Variants in DLG2 observed in about 807,000 individuals in gnomAD.
DLG2 encodes discs large MAGUK scaffold protein 2, also known as disks large homolog 2.
In DLG2, 45 loss-of-function variants were observed where a neutral mutation model predicts 132.5. The ratio of observed to expected loss-of-function variants is 0.34; its 90% CI spans 0.27 to 0.44. DLG2 has a LOEUF of 0.44. Among genes scored for constraint, DLG2 ranks in the 20% least tolerant of loss-of-function variants. The pLI is 1.00. For synonymous variants in DLG2, 424 were observed against 419.6 expected (o/e 1.01, Z -0.13); for missense variants, 1,045 against 1,196.9 (o/e 0.87, Z 1.87).
intron 7 of DLG2, among the ~76,000 whole-genome samples, chr11:84,285,998 A>G (rs188600067): frequency 1.9e-4 from 29 of 152,286 alleles, no homozygotes; most frequent in Non-Finnish European, 3.8e-4. Context: ...AGACACACTG[A>G]GTGGTTCAAT....
intron 3 of DLG2, among the ~76,000 whole-genome samples, chr11:85,537,160 T>C (rs545634054): frequency 6.6e-6 from 1 of 152,280 alleles, no homozygotes; most frequent in East Asian, 1.9e-4. Context: ...GGTTTGGAAA[T>C]GCACCAATTA....
At chr11:84,578,524 CTGGATTTTGGATTTGCA>C (rs1468157788) in intron 6 of DLG2, among the ~76,000 whole-genome samples, 1 of 152,168 alleles carries the variant, frequency 6.6e-6, no homozygotes, top group African/African-American at 2.4e-5. Flanking sequence ...GACTGCCCCA[CTGGATTTTGGATTTGCA>C]TGGGCCCTGT....
At chr11:84,412,191 T>C (rs916984610) in intron 7 of DLG2, among the ~76,000 whole-genome samples, 1 of 151,732 alleles carries the variant, frequency 6.6e-6, no homozygotes, top group Non-Finnish European at 1.5e-5. Flanking sequence ...AAATTGAAAC[T>C]CTACTATGCA....
chr11:83,570,616 A>G (rs975571270), intron 19 of DLG2, among the ~76,000 whole-genome samples: 2 of 152,212 alleles, frequency 1.3e-5, no homozygotes, highest in African/African-American at 4.8e-5. Context: ...ACCCAAGAGA[A>G]TAACAACATT....
chr11:85,567,485 T>C (rs1311659204), intron 3 of DLG2, among the ~76,000 whole-genome samples: 1 of 152,206 alleles, frequency 6.6e-6, no homozygotes, highest in Non-Finnish European at 1.5e-5. Flanking sequence ...TTGATTGCTT[T>C]TGTATTCTAC....
At chr11:85,543,143 C>T (rs959325445) in intron 3 of DLG2, among the ~76,000 whole-genome samples, 2 of 152,128 alleles carry the variant, frequency 1.3e-5, no homozygotes, top group Non-Finnish European at 1.5e-5. Flanking sequence ...CCCTAGGCCC[C>T]CATCCTCAAC....
chr11:84,171,809 G>C lies in DLG2; in HGVS notation c.574-8298C>G, dbSNP rs568278258. Reference sequence around the variant, plus strand: ...AATCAGTTGAGTGCTGAAAAAGTGAGTCATTCCACCAGAATGTAAGCTCTA... The same window carrying C: ...AATCAGTTGAGTGCTGAAAAAGTGACTCATTCCACCAGAATGTAAGCTCTA... On this transcript the variant is annotated intron_variant, in intron 8 of 27. Transcript: ENST00000376104. Among the ~76,000 whole-genome samples, 7 of 152,182 alleles carry C rather than the reference G, an allele frequency of 4.6e-5. No individual in the cohort carries two copies. The South Asian group carries it at 1.5e-3, about 32-fold the overall frequency.
intron 6 of DLG2, among the ~76,000 whole-genome samples, chr11:85,075,406 A>G (rs1294992556): frequency 6.6e-6 from 1 of 151,884 alleles, no homozygotes; most frequent in African/African-American, 2.4e-5. Flanking sequence ...AGCAATCTAA[A>G]TATTTAAATA....
chr11:84,780,472 G>T (rs1376738895), intron 6 of DLG2, among the ~76,000 whole-genome samples: 1 of 152,010 alleles, frequency 6.6e-6, no homozygotes, highest in Admixed American at 6.6e-5. Context: ...CTGGAACAAA[G>T]ATATATTTCT....
rs193208028 is a variant in DLG2, at chr11:85,565,124, C to T, written c.40+33533G>A. On this transcript the variant is annotated intron_variant, in intron 3 of 27. Coordinates refer to ENST00000376104, the MANE Select transcript of DLG2 (RefSeq NM_001142699.3). ...AGTTTCATGAGCATTTTTGTAGATT[C>T]CACAGGATTTTCTACAAAACTAATT... is the stretch of plus-strand genomic sequence containing the variant. 8.8e-4 allele frequency among the ~76,000 whole-genome samples: 133 copies of T among 152,000 alleles called. 2 individuals carry two copies. In the East Asian group the frequency reaches 0.02, roughly 23 times the overall value.
Position 83,487,019 on chromosome 11 carries a change from C to T in DLG2, c.2194-2791G>A, listed in dbSNP as rs73520676. Among the ~76,000 whole-genome samples the T allele has an allele frequency of 5.4e-3, 813 of 151,282 alleles. 6 individuals carry two copies. The highest frequency in any genetic ancestry group is 0.019 in the African/African-American group (777 of 41,114). ...ATATAGAAAATGAAAATCTGTTACA[C>T]GAGTGCTAGGTGAGAATAATAAATT... On this transcript the variant is annotated intron_variant, in intron 21 of 27. Transcript: ENST00000376104.
intron 3 of DLG2, among the ~76,000 whole-genome samples, chr11:85,497,961 G>T (rs1375605790): frequency 6.6e-6 from 1 of 152,282 alleles, no homozygotes; most frequent in East Asian, 1.9e-4. Context: ...ACTGGTACCA[G>T]CCACTGCAAA....
chr11:84,012,150 A>C (rs181202994), intron 11 of DLG2, among the ~76,000 whole-genome samples: 34 of 152,280 alleles, frequency 2.2e-4, no homozygotes, highest in African/African-American at 7.9e-4. Context: ...TGCTAATGCT[A>C]TATTTTGAAG....
intron 21 of DLG2, among the ~76,000 whole-genome samples, chr11:83,517,316 C>G (rs1178105595): frequency 6.6e-6 from 1 of 152,176 alleles, no homozygotes; most frequent in Non-Finnish European, 1.5e-5. Context: ...ATCGAATTGG[C>G]TACTGAGGCT....
At chr11:85,126,839 G>A (rs35003694) in intron 5 of DLG2, among the ~76,000 whole-genome samples, 4,837 of 152,240 alleles carry the variant, frequency 0.032, 116 homozygotes, top group Non-Finnish European at 0.048. Context: ...TTATCTCACC[G>A]AATTCTTAAA....
chr11:85,236,570 G>A (rs1477389683), intron 4 of DLG2, among the ~76,000 whole-genome samples: 4 of 151,792 alleles, frequency 2.6e-5, no homozygotes, highest in African/African-American at 7.3e-5. Flanking sequence ...CTCCAAATAC[G>A]GTCATATTCT....
intron 3 of DLG2, among the ~76,000 whole-genome samples, chr11:85,463,656 A>G (rs2092687510): frequency 6.6e-6 from 1 of 152,136 alleles, no homozygotes; most frequent in East Asian, 1.9e-4. Flanking sequence ...CTATAATCCC[A>G]GCTACTTCAG....
At chr11:85,446,350 T>C (rs2092008391) in intron 3 of DLG2, among the ~76,000 whole-genome samples, 1 of 152,152 alleles carries the variant, frequency 6.6e-6, no homozygotes, top group Admixed American at 6.5e-5. Context: ...TTGGAGGAAA[T>C]GGTTTTGTTA....
chr11:84,127,096 G>A (rs367705243), intron 9 of DLG2, among the ~76,000 whole-genome samples: 1 of 152,078 alleles, frequency 6.6e-6, no homozygotes, highest in African/African-American at 2.4e-5. Context: ...AACAATTTTT[G>A]TATAATCTAG....
Sources: gnomAD v4.1 joint callset for allele counts (sites outside exome capture counted in the v4.1 genomes callset) on GRCh38, gnomAD v4.1.1 for gene constraint, MANE v1.5 for transcripts, NCBI Gene and HGNC (gene_info 2026-07-23, HGNC 2026-07-21) for gene names.